FHIT: variants seen among roughly 807,000 people sequenced by gnomAD.
FHIT encodes the protein bis(5'-adenosyl)-triphosphatase.
Under a neutral mutation model 17.9 loss-of-function variants are expected in FHIT, and 19 were observed. The ratio of observed to expected loss-of-function variants is 1.06; its 90% CI spans 0.74 to 1.56. The LOEUF is 1.56. Ranked by LOEUF, FHIT falls within the 40% of genes most tolerant of loss-of-function variation. The pLI is 0.00. For synonymous variants in FHIT, 81 were observed against 69.7 expected (o/e 1.16, Z -0.81); for missense variants, 248 against 189.2 (o/e 1.31, Z -1.82).
chr3:61,014,808 A>AAT (rs1156410696), intron 3 of FHIT, among the ~76,000 whole-genome samples: 3 of 26,980 alleles, frequency 1.1e-4, no homozygotes, highest in African/African-American at 1.7e-4. Context: ...AAAAAAAAAA[A>AAT]TATATATATA....
At chr3:61,202,846 G>A (rs532256264) in intron 1 of FHIT, among the ~76,000 whole-genome samples, 1 of 152,222 alleles carries the variant, frequency 6.6e-6, no homozygotes, top group African/African-American at 2.4e-5. Context: ...GAAGTCAGGA[G>A]TTTGAGACCA....
chr3:60,345,959 C>T (rs1220553161), intron 5 of FHIT, among the ~76,000 whole-genome samples: 1 of 152,142 alleles, frequency 6.6e-6, no homozygotes, highest in Non-Finnish European at 1.5e-5. Context: ...AAATCACTTC[C>T]ACAACTAAGG....
chr3:60,274,621 G>C (rs72872843), intron 5 of FHIT, among the ~76,000 whole-genome samples: 1,918 of 152,258 alleles, frequency 0.013, 32 homozygotes, highest in African/African-American at 0.043. Context: ...ACAACAAGAA[G>C]TGGTTCCAAA....
At chr3:59,817,908 C>CAAAG (rs934598694) in intron 8 of FHIT, among the ~76,000 whole-genome samples, 30 of 151,364 alleles carry the variant, frequency 2.0e-4, no homozygotes. Context: ...AGGGGCACTC[C>CAAAG]AAAGAAAGAA....
chr3:60,301,151 C>T (rs1296103006), intron 5 of FHIT, among the ~76,000 whole-genome samples: 3 of 151,962 alleles, frequency 2.0e-5, no homozygotes, highest in African/African-American at 7.3e-5. Flanking sequence ...AAAATTTTGA[C>T]CTGAAAGTAT....
At chr3:61,190,240 A>C (rs1046970171) in intron 2 of FHIT, among the ~76,000 whole-genome samples, 4 of 152,302 alleles carry the variant, frequency 2.6e-5, no homozygotes, top group Admixed American at 6.5e-5. Flanking sequence ...ATTTACAAGA[A>C]AAAAACAACC....
At chr3:60,009,165 A>ATGTGTG (rs753809976) in intron 7 of FHIT, among the ~76,000 whole-genome samples, 658 of 54,042 alleles carry the variant, frequency 0.012, 12 homozygotes, top group Admixed American at 0.024. Context: ...CTGGGATTTT[A>ATGTGTG]TGTGTGTGTG....
At chr3:60,559,752 TGTCCCTCTTAC>T (rs749060007) in intron 4 of FHIT, among the ~76,000 whole-genome samples, 1 of 61,270 alleles carries the variant, frequency 1.6e-5, no homozygotes, top group South Asian at 7.4e-4. Flanking sequence ...AGAAAAAGCA[TGTCCCTCTTAC>T]GGGCACTTAC....
chr3:60,457,172 T>A (rs1033993426), intron 5 of FHIT, among the ~76,000 whole-genome samples: 4 of 152,040 alleles, frequency 2.6e-5, no homozygotes, highest in African/African-American at 9.7e-5. Flanking sequence ...ACTACCTGAC[T>A]TCAAACAATA....
intron 4 of FHIT, among the ~76,000 whole-genome samples, chr3:60,678,971 A>G (rs1379391049): frequency 2.0e-5 from 3 of 151,502 alleles, no homozygotes; most frequent in Admixed American, 6.6e-5. Flanking sequence ...AAAAAAAAAA[A>G]ACAAGCAAAA....
intron 5 of FHIT, among the ~76,000 whole-genome samples, chr3:60,357,973 G>C (rs1286159101): frequency 6.6e-6 from 1 of 152,104 alleles, no homozygotes; most frequent in Non-Finnish European, 1.5e-5. Context: ...AGCATCACCT[G>C]GGAACATGTT....
chr3:60,722,662 C>T (rs1183322869), intron 4 of FHIT, among the ~76,000 whole-genome samples: 6 of 151,272 alleles, frequency 4.0e-5, no homozygotes, highest in African/African-American at 1.5e-4. Flanking sequence ...GCCGTATGTC[C>T]TCTTGGGGGA....
chr3:61,211,142 G>A (rs1007937948), intron 1 of FHIT, among the ~76,000 whole-genome samples: 2 of 151,802 alleles, frequency 1.3e-5, no homozygotes, highest in African/African-American at 4.8e-5. Flanking sequence ...GGGAGTGCCA[G>A]ACAGTGGGCG....
At chr3:59,801,080 T>C (rs1699974752) in intron 8 of FHIT, among the ~76,000 whole-genome samples, 2 of 152,148 alleles carry the variant, frequency 1.3e-5, no homozygotes, top group Non-Finnish European at 2.9e-5. Context: ...GATACAGAAA[T>C]TGTAGTGTTG....
At chr3:60,108,716 T>A (rs1704537245) in intron 5 of FHIT, among the ~76,000 whole-genome samples, 1 of 150,132 alleles carries the variant, frequency 6.7e-6, no homozygotes, top group Non-Finnish European at 1.5e-5. Flanking sequence ...CAGGCAGGAG[T>A]CCAATGGCTT....
chr3:60,665,757 T>C (rs1577046264), intron 4 of FHIT, among the ~76,000 whole-genome samples: 1 of 152,108 alleles, frequency 6.6e-6, no homozygotes, highest in South Asian at 2.1e-4. Flanking sequence ...GGTGTTTAGA[T>C]GATTTACCTT....
intron 8 of FHIT, among the ~76,000 whole-genome samples, chr3:59,790,768 T>C (rs693495): frequency 0.82 from 124,666 of 152,164 alleles, 51,173 homozygotes; most frequent in Middle Eastern, 0.88. Context: ...GTAATATCTA[T>C]GAGAGCCAAA....
chr3:60,005,043 G>A (rs1394104487), intron 7 of FHIT, among the ~76,000 whole-genome samples: 2 of 152,098 alleles, frequency 1.3e-5, no homozygotes, highest in Admixed American at 1.3e-4. Flanking sequence ...CCTGGTAGGC[G>A]ACAGCTCTGG....
chr3:60,730,833 C>G (rs2042012524), intron 4 of FHIT, among the ~76,000 whole-genome samples: 1 of 152,032 alleles, frequency 6.6e-6, no homozygotes, highest in Admixed American at 6.6e-5. Context: ...AAAAATAAGA[C>G]AGGCCAAGTG....
Sources: allele counts gnomAD v4.1 joint callset (sites outside exome capture counted in the v4.1 genomes callset), GRCh38; gene constraint gnomAD v4.1.1; transcripts MANE v1.5; gene names NCBI Gene and HGNC (gene_info 2026-07-23, HGNC 2026-07-21).